PPM1B: variants seen among roughly 807,000 people sequenced by gnomAD.
The protein encoded by PPM1B is protein phosphatase, Mg2+/Mn2+ dependent 1B.
A neutral mutation model predicts 43.0 loss-of-function variants in PPM1B; 22 were observed. The observed-to-expected ratio is 0.51, with a 90% confidence interval of 0.37 to 0.73. PPM1B has a LOEUF of 0.73. Among genes scored for constraint, PPM1B ranks in the 30% least tolerant of loss-of-function variants. The pLI, the probability that PPM1B is intolerant of heterozygous loss-of-function variation, is 0.00. For missense variants in PPM1B, 632 were observed against 584.2 expected (o/e 1.08, Z -0.84); for synonymous variants, 217 against 197.9 (o/e 1.10, Z -0.81).
intron 1 of PPM1B, among the ~76,000 whole-genome samples, chr2:44,174,693 C>T (rs952257342): frequency 2.0e-5 from 3 of 152,184 alleles, no homozygotes; most frequent in Admixed American, 6.5e-5. Flanking sequence ...GCTTGCGAAG[C>T]GCTTTTAAGC....
chr2:44,182,884 C>T (rs1042205459), intron 1 of PPM1B, among the ~76,000 whole-genome samples: 1 of 152,040 alleles, frequency 6.6e-6, no homozygotes, highest in Non-Finnish European at 1.5e-5. Context: ...TAGTGTAGAG[C>T]TTCGTCTAAC....
At chr2:44,202,701 A>AT (rs1431297393) in intron 2 of PPM1B, among the ~76,000 whole-genome samples, 1 of 152,206 alleles carries the variant, frequency 6.6e-6, no homozygotes, top group African/African-American at 2.4e-5. Context: ...AAAGGCTTCT[A>AT]TAAAACATAA....
chr2:44,189,086 G>A (rs558916627), intron 1 of PPM1B, among the ~76,000 whole-genome samples: 2 of 151,956 alleles, frequency 1.3e-5, no homozygotes, highest in Non-Finnish European at 2.9e-5. Flanking sequence ...TGCCCAGGCT[G>A]GTCTTGAACT....
At chr2:44,230,391 G>A (rs1426254997) in intron 5 of PPM1B, 22 bp from the exon 6 acceptor site, 7 of 1,609,516 alleles carry the variant, frequency 4.3e-6, no homozygotes, top group Middle Eastern at 3.3e-4. Context: ...ACTGACACTG[G>A]GGTCTTGAAT....
At chr2:44,232,498 T>C (rs1670497003), downstream of PPM1B, 9 of 1,490,618 alleles carry the variant, frequency 6.0e-6, no homozygotes, top group South Asian at 1.3e-4. Flanking sequence ...CATCATTTGT[T>C]CATATTTGTG....
At chr2:44,211,030 G>A (rs1669440693) in intron 3 of PPM1B, among the ~76,000 whole-genome samples, 2 of 152,080 alleles carry the variant, frequency 1.3e-5, no homozygotes, top group South Asian at 4.1e-4. Flanking sequence ...CAGCTACTCC[G>A]GAGGCTGAGG....
At chr2:44,245,822 A>G (rs1670844070), downstream of PPM1B, among the ~76,000 whole-genome samples, 1 of 152,204 alleles carries the variant, frequency 6.6e-6, no homozygotes, top group Non-Finnish European at 1.5e-5. Flanking sequence ...AATCCTGCCA[A>G]AAACTCCTGT....
At chr2:44,216,201 G>A (rs897472309) in intron 3 of PPM1B, among the ~76,000 whole-genome samples, 4 of 152,120 alleles carry the variant, frequency 2.6e-5, no homozygotes, top group Non-Finnish European at 5.9e-5. Context: ...TAGAAATTAT[G>A]CATTAATGCA....
chr2:44,209,569 C>CCG, intron 3 of PPM1B: 6 of 365,372 alleles, frequency 1.6e-5, no homozygotes, highest in South Asian at 1.0e-4. Context: ...ATCATGAGGT[C>CCG]AGATCGACAC....
At chr2:44,181,143 G>C (rs6734443) in intron 1 of PPM1B, among the ~76,000 whole-genome samples, 119,216 of 152,062 alleles carry the variant, frequency 0.78, 46,854 homozygotes, top group South Asian at 0.9. Context: ...CAGAGTCTCA[G>C]TATGTTGCCC....
chr2:44,219,263 A>G (rs150288115), intron 5 of PPM1B: 3 of 148,768 alleles, frequency 2.0e-5, no homozygotes, highest in East Asian at 3.9e-4. Context: ...TCAAGTTTTT[A>G]TGTCTAAAAA....
intron 1 of PPM1B, among the ~76,000 whole-genome samples, chr2:44,199,929 A>G (rs1224981592): frequency 1.3e-5 from 2 of 152,192 alleles, no homozygotes; most frequent in African/African-American, 2.4e-5. Context: ...AAGTTCAATA[A>G]TGATCATACC....
rs767010674 is a variant in PPM1B, at chr2:44,201,769, A to G, written c.570A>G (p.Gln190=). 1 of 1,614,228 alleles carries G rather than the reference A, an allele frequency of 6.2e-7. No individual in the cohort carries two copies. ...ATGCAGGAGGCAGCGTGATGATACAACGTGTTAATGGTTCATTAGCAGTAT... is the reference window on the plus strand; with the variant it reads ...ATGCAGGAGGCAGCGTGATGATACAGCGTGTTAATGGTTCATTAGCAGTAT... ...IQNAGGSVMI[Q]RVNGSLAVSR... is the part of the protein sequence containing the mutation. The change falls in exon 2 of 6, where the codon CAA becomes CAG. Residue 190 remains glutamine (Q), a synonymous_variant. Coordinates refer to ENST00000282412, the MANE Select transcript of PPM1B (RefSeq NM_002706.6). This position sits in a 1 kb window ranked among gnomAD's most constrained non-coding sequence, Gnocchi z 5.4.
chr2:44,230,448 A>G lies in PPM1B; in HGVS notation c.1170A>G (p.Gly390=), dbSNP rs1331987714. 3 of 1,614,086 alleles carry G rather than the reference A, an allele frequency of 1.9e-6. No individual in the cohort carries two copies. Among genetic ancestry groups the G allele is most frequent in the Non-Finnish European group, 2.5e-6 (3 of 1,180,026 alleles). The change falls in exon 6 of 6, where the codon GGA becomes GGG. Residue 390 remains glycine (G), a synonymous_variant. Transcript: ENST00000282412. ...SDEAEESGSQ[G]KLVEALRQMR... is the part of the protein sequence containing the mutation. ...AAGCAGAGGAAAGTGGATCACAGGG[A>G]AAATTGGTGGAAGCTCTCAGGCAAA...
At chr2:44,226,918 T>C (rs979726838) in intron 5 of PPM1B, among the ~76,000 whole-genome samples, 14 of 146,604 alleles carry the variant, frequency 9.5e-5, no homozygotes, top group East Asian at 7.9e-4. Context: ...CTGAATAGAT[T>C]AAAATGGGAA....
chr2:44,204,099 G>A (rs562480728), intron 2 of PPM1B, among the ~76,000 whole-genome samples: 8 of 152,192 alleles, frequency 5.3e-5, no homozygotes, highest in Non-Finnish European at 1.2e-4. Context: ...GACCATCATA[G>A]TTCCTTCTAA....
At chr2:44,242,056 C>T (rs1166076281) in intron 5 of PPM1B, among the ~76,000 whole-genome samples, 1 of 151,630 alleles carries the variant, frequency 6.6e-6, no homozygotes, top group East Asian at 2.0e-4. Flanking sequence ...GACGGGGTTT[C>T]ACAGTGTTAG....
In PPM1B at chr2:44,230,678, A is replaced by G. The variant is rs140501289; in HGVS notation, c.1400A>G (p.Asn467Ser). 1.9e-6 allele frequency: 3 copies of G among 1,613,562 alleles called. No individual in the cohort carries two copies. Among genetic ancestry groups the G allele is most frequent in the African/African-American group, 1.3e-5 (1 of 74,934 alleles). ...GGTCTTGCTGAATTAGACAGCTCTA[A>G]TGAAGATGCAGGGACAAAGATGAGT... ...ESGLAELDSS[N>S]EDAGTKMSGE... Residue 467 changes from asparagine (N) to serine (S), a missense_variant, in exon 6 of 6, where the codon AAT (asparagine) becomes AGT (serine). By Grantham distance (46) the Asn-to-Ser change is conservative. Transcript: ENST00000282412.
intron 1 of PPM1B, among the ~76,000 whole-genome samples, chr2:44,188,717 T>G (rs1668248876): frequency 2.1e-5 from 3 of 142,472 alleles, no homozygotes; most frequent in Admixed American, 7.1e-5. Context: ...CTGCCTGCTT[T>G]CCTTCCTTCC....
Sources: gnomAD v4.1 joint callset for allele counts (sites outside exome capture counted in the v4.1 genomes callset) on GRCh38, gnomAD v4.1.1 for gene constraint, Gnocchi (gnomAD v3.1) non-coding constraint, MANE v1.5 for transcripts, NCBI Gene and HGNC (gene_info 2026-07-23, HGNC 2026-07-21) for gene names.